Variants in GCM1 observed in about 807,000 individuals in gnomAD.
The protein encoded by GCM1 is GCM transcription factor 1.
Under a neutral mutation model 25.7 loss-of-function variants are expected in GCM1, and 2 were observed. That is an observed-to-expected ratio of 0.08 (90% CI 0.03 to 0.24). The LOEUF (loss-of-function observed/expected upper bound fraction) is 0.24, where lower values mean the gene tolerates loss of function less well. GCM1 is among the 10% of genes least tolerant of loss of function. The pLI, the probability that GCM1 is intolerant of heterozygous loss-of-function variation, is 1.00. For synonymous variants in GCM1, 183 were observed against 195.7 expected, an observed-to-expected ratio of 0.94 and a Z score of 0.54; for missense variants, 395 against 538.7, an observed-to-expected ratio of 0.73 and a Z score of 2.64.
chr6:53,131,465 T>C (rs1224912930), intron 4 of GCM1, among the ~76,000 whole-genome samples: 1 of 152,194 alleles, frequency 6.6e-6, no homozygotes, highest in African/African-American at 2.4e-5. Context: ...TGAGAATATT[T>C]CCATTACAGA....
chr6:53,138,845 A>G (rs1763835737), intron 2 of GCM1, among the ~76,000 whole-genome samples: 1 of 152,154 alleles, frequency 6.6e-6, no homozygotes, highest in African/African-American at 2.4e-5. Flanking sequence ...AACTCAATCA[A>G]AATTTTTGTA....
At chr6:53,141,673 C>T (rs531685951) in intron 2 of GCM1, among the ~76,000 whole-genome samples, 31 of 150,502 alleles carry the variant, frequency 2.1e-4, no homozygotes, top group Middle Eastern at 3.5e-3. Flanking sequence ...GGCAGCAGAG[C>T]GAGACTCTGT....
intron 2 of GCM1, among the ~76,000 whole-genome samples, chr6:53,144,292 G>C (rs1763921924): frequency 1.3e-5 from 2 of 151,860 alleles, no homozygotes; most frequent in African/African-American, 4.8e-5. Flanking sequence ...AGGAGTGGTG[G>C]CACATGCCTG....
chr6:53,142,525 T>C (rs988781936), intron 2 of GCM1, among the ~76,000 whole-genome samples: 2 of 152,174 alleles, frequency 1.3e-5, no homozygotes, highest in Non-Finnish European at 2.9e-5. Flanking sequence ...ATGTAACTTG[T>C]ACTCTACAGA....
intron 1 of GCM1, among the ~76,000 whole-genome samples, chr6:53,148,478 G>A (rs181285952): frequency 1.3e-5 from 2 of 152,230 alleles, no homozygotes; most frequent in East Asian, 3.9e-4. Context: ...AAGCGAATGA[G>A]CATTAATTTA....
rs1377518721 is a variant in GCM1, at chr6:53,127,515, T to C, written c.*691A>G. On this transcript the variant is annotated 3_prime_UTR_variant, in exon 6 of 6. Transcript: ENST00000259803. ...TCCCAAGAAGGCATAGATCAGGTCC[T>C]AGATAGGTTAGCATTTCACATGTCT... 6.6e-6 allele frequency: 1 copy of C among 152,246 alleles called. No homozygotes were observed. The highest frequency in any genetic ancestry group is 1.5e-5 in the Non-Finnish European group (1 of 68,072). 9.4% of individuals were successfully genotyped at this position (152,246 alleles called of 1,614,324 possible). A position where few individuals can be genotyped will look rare whatever the true frequency, so the allele number is the denominator to read the frequency against.
At chr6:53,135,472 A>G (rs560568531) in intron 2 of GCM1, among the ~76,000 whole-genome samples, 2 of 152,348 alleles carry the variant, frequency 1.3e-5, no homozygotes, top group South Asian at 4.1e-4. Flanking sequence ...TTAAATACTT[A>G]GCACAGCACC....
Position 53,145,743 on chromosome 6 carries a change from T to G in GCM1, c.-111A>C. ...AGCTGGATCGGCCCACTCAAGCACC[T>G]TGGACCAGGAGATTGTTTTCTAGGG... On this transcript the variant is annotated 5_prime_UTR_variant, in exon 2 of 6. Coordinates refer to ENST00000259803, the MANE Select transcript of GCM1 (RefSeq NM_003643.4). The G allele has an allele frequency of 2.9e-6, 2 of 678,426 alleles. No individual in the cohort carries two copies. Among genetic ancestry groups the G allele is most frequent in the South Asian group, 3.5e-5 (2 of 56,502 alleles). 42.0% of individuals were successfully genotyped at this position (678,426 alleles called of 1,614,324 possible).
intron 2 of GCM1, among the ~76,000 whole-genome samples, chr6:53,138,100 G>A (rs928822809): frequency 1.3e-5 from 2 of 151,950 alleles, no homozygotes; most frequent in Admixed American, 1.3e-4. Flanking sequence ...TGGCTAACAT[G>A]GCGAAACCCC....
intron 3 of GCM1, among the ~76,000 whole-genome samples, chr6:53,132,666 G>A (rs1763742230): frequency 6.6e-6 from 1 of 152,178 alleles, no homozygotes; most frequent in South Asian, 2.1e-4. Context: ...GAGCCGAGAT[G>A]GCACCAATGC....
intron 2 of GCM1, among the ~76,000 whole-genome samples, chr6:53,144,982 GAA>G (rs1763933719): frequency 1.0e-5 from 1 of 99,288 alleles, no homozygotes; most frequent in Admixed American, 9.3e-5. Context: ...AAAATGAAAA[GAA>G]AGAGAGAGAG....
At chr6:53,145,404 T>A (rs1355552475) in intron 2 of GCM1, among the ~76,000 whole-genome samples, 154 bp downstream of exon 2, 1 of 152,210 alleles carries the variant, frequency 6.6e-6, no homozygotes, top group Non-Finnish European at 1.5e-5. Context: ...CCATCTCTTC[T>A]TAAAATCCCT....
chr6:53,140,015 C>T (rs979990250), intron 2 of GCM1, among the ~76,000 whole-genome samples: 2 of 152,144 alleles, frequency 1.3e-5, no homozygotes. Flanking sequence ...AAGGGACCTG[C>T]TGCAGGGTAC....
intron 2 of GCM1, among the ~76,000 whole-genome samples, chr6:53,136,143 A>G (rs545428072): frequency 5.2e-5 from 8 of 152,388 alleles, no homozygotes; most frequent in South Asian, 4.1e-4. Context: ...TAAGAGCTGC[A>G]GTGTGCAAAC....
At position 53,132,002 on chromosome 6, in the gene GCM1, C is replaced by G. The variant is rs1251941254; in HGVS notation, c.441+5G>C. ...ACTCTCACGTAACTAACTCAAAAAT[C>G]CAACCTGGAAAAATATAAAGCGTCC... On this transcript the variant is annotated splice_donor_5th_base_variant and intron_variant, in intron 4 of 5. Coordinates refer to ENST00000259803, the MANE Select transcript of GCM1 (RefSeq NM_003643.4). 3 of 1,573,838 alleles carry G rather than the reference C, an allele frequency of 1.9e-6. No individual in the cohort carries two copies. The highest frequency in any genetic ancestry group is 2.6e-6 in the Non-Finnish European group (3 of 1,143,470).
rs561595889 is a variant in GCM1 at position 53,146,765 on chromosome 6, C to T, written c.-136-997G>A. 4.3e-4 allele frequency among the ~76,000 whole-genome samples: 66 copies of T among 152,234 alleles called. 1 individual carries two copies. The South Asian group carries it at 0.011, about 24-fold the overall frequency. ...ATCCCTGGTCTCTACCCATTAGGTG[C>T]TAGCAGCCTGTAATCCCAATACTTT... On this transcript the variant is annotated intron_variant, in intron 1 of 5. Transcript: ENST00000259803.
At chr6:53,146,467 G>A (rs1009081391) in intron 1 of GCM1, among the ~76,000 whole-genome samples, 2 of 151,732 alleles carry the variant, frequency 1.3e-5, no homozygotes, top group Admixed American at 1.3e-4. Context: ...TGATCTACCC[G>A]CCTCGGACTC....
intron 3 of GCM1, among the ~76,000 whole-genome samples, chr6:53,133,011 T>C (rs904437466): frequency 6.6e-6 from 1 of 152,154 alleles, no homozygotes; most frequent in Non-Finnish European, 1.5e-5. Flanking sequence ...CCTAAATGAA[T>C]GGAATTGAGT....
At chr6:53,147,848 T>C (rs536645041) in intron 1 of GCM1, among the ~76,000 whole-genome samples, 6 of 152,326 alleles carry the variant, frequency 3.9e-5, no homozygotes, top group South Asian at 2.1e-4. Context: ...AGTTCCTTTT[T>C]TCTTTTTTGT....
Sources: allele counts gnomAD v4.1 joint callset (sites outside exome capture counted in the v4.1 genomes callset), GRCh38; gene constraint gnomAD v4.1.1; transcripts MANE v1.5; gene names NCBI Gene and HGNC (gene_info 2026-07-23, HGNC 2026-07-21).